Variants in ROBO1 observed in about 807,000 individuals in gnomAD.
ROBO1 encodes roundabout homolog 1.
Under a neutral mutation model 195.9 loss-of-function variants are expected in ROBO1, and 149 were observed. The ratio of observed to expected loss-of-function variants is 0.76; its 90% CI spans 0.67 to 0.87. ROBO1 has a LOEUF of 0.87. ROBO1 is among the 40% of genes least tolerant of loss of function. The pLI, the probability that ROBO1 is intolerant of heterozygous loss-of-function variation, is 0.00. For missense variants in ROBO1, 1,933 were observed against 2,068.3 expected (o/e 0.93, Z 1.27); for synonymous variants, 816 against 733.2 (o/e 1.11, Z -1.82).
At chr3:78,965,326 T>C (rs554682281) in intron 3 of ROBO1, among the ~76,000 whole-genome samples, 1 of 152,262 alleles carries the variant, frequency 6.6e-6, no homozygotes, top group African/African-American at 2.4e-5. Flanking sequence ...ACCAGAAGCT[T>C]TTTTTGATGA....
At chr3:78,756,231 A>T (rs1335033254) in intron 4 of ROBO1, among the ~76,000 whole-genome samples, 3 of 152,192 alleles carry the variant, frequency 2.0e-5, no homozygotes, top group Admixed American at 6.5e-5. Context: ...AAAAACACTC[A>T]GTTATTTTGA....
At chr3:79,480,290 A>T (rs1334422695) in intron 2 of ROBO1, among the ~76,000 whole-genome samples, 4 of 152,190 alleles carry the variant, frequency 2.6e-5, no homozygotes, top group Non-Finnish European at 4.4e-5. Flanking sequence ...TCTTTGATGC[A>T]GTGAACTGGG....
intron 1 of ROBO1, among the ~76,000 whole-genome samples, chr3:79,751,767 T>G (rs1206361173): frequency 1.3e-5 from 2 of 152,188 alleles, no homozygotes; most frequent in African/African-American, 4.8e-5. Context: ...ACAAATTAAA[T>G]AATTTTCTTT....
intron 4 of ROBO1, among the ~76,000 whole-genome samples, chr3:78,781,937 A>G (rs2083689137): frequency 6.6e-6 from 1 of 152,170 alleles, no homozygotes; most frequent in Admixed American, 6.5e-5. Flanking sequence ...ATAAGTAGGT[A>G]TGAAACATCC....
At chr3:79,271,546 T>C (rs1377390646) in intron 2 of ROBO1, among the ~76,000 whole-genome samples, 1 of 152,034 alleles carries the variant, frequency 6.6e-6, no homozygotes, top group East Asian at 1.9e-4. Context: ...GAGGGAAATT[T>C]AGCCATATGC....
chr3:79,590,266 C>G (rs1196397029), intron 1 of ROBO1, among the ~76,000 whole-genome samples: 1 of 151,548 alleles, frequency 6.6e-6, no homozygotes, highest in Non-Finnish European at 1.5e-5. Context: ...GATTTCCCAC[C>G]AATTTAGTTG....
intron 5 of ROBO1, among the ~76,000 whole-genome samples, chr3:78,718,560 ATTTT>A (rs2081959403): frequency 6.6e-6 from 1 of 152,056 alleles, no homozygotes; most frequent in Non-Finnish European, 1.5e-5. Context: ...ATAAAAATTA[ATTTT>A]AAATGTAAGC....
chr3:79,147,662 G>C (rs1320715550), intron 2 of ROBO1, among the ~76,000 whole-genome samples: 1 of 151,896 alleles, frequency 6.6e-6, no homozygotes, highest in Non-Finnish European at 1.5e-5. Flanking sequence ...TCACATTTAA[G>C]CTAATCTATC....
chr3:79,334,162 G>A (rs375772401), intron 2 of ROBO1, among the ~76,000 whole-genome samples: 11 of 151,736 alleles, frequency 7.2e-5, no homozygotes, highest in South Asian at 6.3e-4. Flanking sequence ...AAAATTAGCC[G>A]GGCGTGGTGG....
intron 4 of ROBO1, among the ~76,000 whole-genome samples, chr3:78,811,287 G>A (rs954752579): frequency 2.0e-5 from 3 of 152,102 alleles, no homozygotes; most frequent in Admixed American, 6.6e-5. Context: ...ACTAAAGTTG[G>A]TTCAAGTTCA....
At chr3:79,390,877 G>A (rs2036922347) in intron 2 of ROBO1, among the ~76,000 whole-genome samples, 1 of 152,092 alleles carries the variant, frequency 6.6e-6, no homozygotes, top group African/African-American at 2.4e-5. Flanking sequence ...TGAGAGCACG[G>A]TAACTGAACA....
chr3:78,889,935 TACTCAAATGTC>T (rs1200788464), intron 4 of ROBO1, among the ~76,000 whole-genome samples: 1 of 152,056 alleles, frequency 6.6e-6, no homozygotes, highest in Non-Finnish European at 1.5e-5. Context: ...TGTCAAATTG[TACTCAAATGTC>T]ACTCTCTCAG....
At chr3:79,101,858 A>G (rs909008019) in intron 3 of ROBO1, among the ~76,000 whole-genome samples, 4 of 151,906 alleles carry the variant, frequency 2.6e-5, no homozygotes, top group African/African-American at 9.7e-5. Context: ...ATGGGATTTA[A>G]TTTTAAAGCA....
At chr3:78,974,644 C>T (rs1576496870) in intron 3 of ROBO1, among the ~76,000 whole-genome samples, 2 of 152,232 alleles carry the variant, frequency 1.3e-5, no homozygotes, top group East Asian at 1.9e-4. Flanking sequence ...AGAAATGGTT[C>T]TCAGAACACA....
intron 2 of ROBO1, among the ~76,000 whole-genome samples, chr3:79,315,226 G>C (rs2033679886): frequency 6.6e-6 from 1 of 152,158 alleles, no homozygotes; most frequent in African/African-American, 2.4e-5. Context: ...AGGATCCCTT[G>C]AGGCCAGGAG....
intron 2 of ROBO1, among the ~76,000 whole-genome samples, chr3:79,448,398 T>G (rs2039336250): frequency 6.6e-6 from 1 of 152,192 alleles, no homozygotes; most frequent in African/African-American, 2.4e-5. Flanking sequence ...GTAAACTCAG[T>G]CTTTTTGGTA....
intron 1 of ROBO1, among the ~76,000 whole-genome samples, chr3:79,677,582 C>T (rs1427635333): frequency 6.6e-6 from 1 of 152,020 alleles, no homozygotes; most frequent in African/African-American, 2.4e-5. Context: ...TAGTGGGTCT[C>T]CCCCACAACA....
At chr3:78,740,161 T>A (rs1447427345) in intron 5 of ROBO1, among the ~76,000 whole-genome samples, 9 of 152,106 alleles carry the variant, frequency 5.9e-5, no homozygotes, top group African/African-American at 2.2e-4. Flanking sequence ...ATTATCATCA[T>A]CATCATCATC....
chr3:78,832,031 T>C (rs966034666), intron 4 of ROBO1, among the ~76,000 whole-genome samples: 6 of 93,708 alleles, frequency 6.4e-5, no homozygotes, highest in South Asian at 4.1e-4. Flanking sequence ...AAATGATAAA[T>C]GAAACAACTT....
Sources: allele counts gnomAD v4.1 joint callset (sites outside exome capture counted in the v4.1 genomes callset), GRCh38; gene constraint gnomAD v4.1.1; transcripts MANE v1.5; gene names NCBI Gene and HGNC (gene_info 2026-07-23, HGNC 2026-07-21).